Variants in GABRB3 observed in about 807,000 individuals in gnomAD.
GABRB3 encodes the protein gamma-aminobutyric acid type A receptor subunit beta3, also known as gamma-aminobutyric acid receptor subunit beta-3.
In GABRB3, 14 loss-of-function variants were observed where a neutral mutation model predicts 52.1. The observed-to-expected ratio is 0.27, with a 90% CI of 0.18 to 0.42. GABRB3 has a LOEUF of 0.42. GABRB3 is among the 10% of genes least tolerant of loss of function. GABRB3 has a pLI of 1.00. For missense variants in GABRB3, 307 were observed against 609.1 expected (o/e 0.50, Z 5.22); for synonymous variants, 260 against 232.3 (o/e 1.12, Z -1.08).
At chr15:26,618,636 A>G (rs1322557814) in intron 4 of GABRB3, among the ~76,000 whole-genome samples, 4 of 152,174 alleles carry the variant, frequency 2.6e-5, no homozygotes, top group Non-Finnish European at 4.4e-5. Flanking sequence ...AACACCAAAA[A>G]CAATGGCAAC....
rs1889193827 is a variant in GABRB3 at position 26,545,335 on chromosome 15, T to C, written c.*2458A>G. The C allele has an allele frequency of 6.6e-6, 1 of 152,562 alleles. No individual in the cohort carries two copies. Among genetic ancestry groups the C allele is most frequent in the South Asian group, 2.1e-4 (1 of 4,820 alleles). 9.5% of individuals were successfully genotyped at this position (152,562 alleles called of 1,614,324 possible). ...CATATAAAAAGCTCAAAAGCTATTA[T>C]GACTATACCATGCAAATTTATATCC... On this transcript the variant is annotated 3_prime_UTR_variant, in exon 9 of 9. Transcript: ENST00000311550.
intron 3 of GABRB3, among the ~76,000 whole-genome samples, chr15:26,739,710 A>T (rs925793194): frequency 1.3e-5 from 2 of 152,154 alleles, no homozygotes; most frequent in Non-Finnish European, 2.9e-5. Context: ...AGATGTGTAT[A>T]TTTGGGGGGA....
Position 26,649,527 on chromosome 15 carries a change from A to C in GABRB3, c.241-27993T>G, listed in dbSNP as rs909432134. Among the ~76,000 whole-genome samples, 6 of 152,216 alleles carry C rather than the reference A, an allele frequency of 3.9e-5. 1 individual carries two copies. In the East Asian group the frequency reaches 5.8e-4, roughly 15 times the overall value. ...CTGTTATAGCAGCAGGAATGGACTAAGACAGGCATGACTGGAGGTAGTGTA... is the reference window on the plus strand; with the variant it reads ...CTGTTATAGCAGCAGGAATGGACTACGACAGGCATGACTGGAGGTAGTGTA... On this transcript the variant is annotated intron_variant, in intron 3 of 8. Transcript: ENST00000311550.
chr15:26,767,824 C>G (rs965132394), intron 3 of GABRB3, among the ~76,000 whole-genome samples: 1 of 152,212 alleles, frequency 6.6e-6, no homozygotes, highest in African/African-American at 2.4e-5. Context: ...CTAGCTCACT[C>G]TAGCCTGAAT....
At chr15:26,604,891 G>A (rs971205755) in intron 4 of GABRB3, among the ~76,000 whole-genome samples, 1 of 152,142 alleles carries the variant, frequency 6.6e-6, no homozygotes, top group Admixed American at 6.5e-5. Flanking sequence ...CCACAAGCCA[G>A]GTAAACAAAG....
intron 4 of GABRB3, among the ~76,000 whole-genome samples, chr15:26,584,424 G>A (rs1890904803): frequency 6.6e-6 from 1 of 152,072 alleles, no homozygotes; most frequent in South Asian, 2.1e-4. Flanking sequence ...CCTCACCTCT[G>A]CTTCTTTCTA....
At position 26,628,895 on chromosome 15, in the gene GABRB3, G is replaced by A. The variant is rs1892815961; in HGVS notation, c.241-7361C>T. The A allele has an allele frequency of 7.2e-6, 10 of 1,380,634 alleles. No homozygotes were observed. In the East Asian group the frequency reaches 1.2e-4, roughly 17 times the overall value. 85.5% of individuals were successfully genotyped at this position (1,380,634 alleles called of 1,614,324 possible). Reference sequence around the variant, plus strand: ...GGAGGCTCTCAGGCCTTGGAAATCCGAGCTGGGAGGTGTGGGGGAGTCAGG... The same window carrying A: ...GGAGGCTCTCAGGCCTTGGAAATCCAAGCTGGGAGGTGTGGGGGAGTCAGG... On this transcript the variant is annotated intron_variant, in intron 3 of 8. Transcript: ENST00000311550.
chr15:26,552,452 G>C (rs570648954), intron 8 of GABRB3, among the ~76,000 whole-genome samples: 1 of 152,328 alleles, frequency 6.6e-6, no homozygotes, highest in South Asian at 2.1e-4. Context: ...TGTACCAAGA[G>C]GATATGGCAG....
intron 3 of GABRB3, among the ~76,000 whole-genome samples, chr15:26,735,187 A>G (rs1890034197): frequency 6.6e-6 from 1 of 152,236 alleles, no homozygotes; most frequent in African/African-American, 2.4e-5. Flanking sequence ...AACCACAATG[A>G]AATACTACCT....
intron 6 of GABRB3, among the ~76,000 whole-genome samples, chr15:26,571,418 T>C (rs944580998): frequency 6.6e-6 from 1 of 152,230 alleles, no homozygotes; most frequent in Admixed American, 6.5e-5. Flanking sequence ...CAAGTCTCAT[T>C]GCCAACTTTT....
At chr15:26,773,746 C>G, upstream of GABRB3, 14 of 1,551,514 alleles carry the variant, frequency 9.0e-6, no homozygotes, top group Non-Finnish European at 1.2e-5. Context: ...TCCGGCCTAA[C>G]CTGCTGGGAT....
chr15:26,734,892 T>C (rs1235365546), intron 3 of GABRB3, among the ~76,000 whole-genome samples: 1 of 152,020 alleles, frequency 6.6e-6, no homozygotes, highest in East Asian at 1.9e-4. Flanking sequence ...CTCCAGCCTG[T>C]ACGACACAGC....
intron 3 of GABRB3, among the ~76,000 whole-genome samples, chr15:26,731,317 G>T (rs1889906281): frequency 6.6e-6 from 1 of 152,190 alleles, no homozygotes; most frequent in Non-Finnish European, 1.5e-5. Context: ...GTTTTCAAAA[G>T]ACTGCTTCCC....
intron 3 of GABRB3, among the ~76,000 whole-genome samples, chr15:26,764,780 G>C (rs1264000498): frequency 6.6e-6 from 1 of 152,128 alleles, no homozygotes; most frequent in African/African-American, 2.4e-5. Flanking sequence ...TCTGCTCCAC[G>C]GCACTGCTGA....
chr15:26,616,726 T>C (rs996077876), intron 4 of GABRB3, among the ~76,000 whole-genome samples: 1 of 152,170 alleles, frequency 6.6e-6, no homozygotes, highest in Non-Finnish European at 1.5e-5. Flanking sequence ...AGTTTACTAC[T>C]AAAGGCTTAT....
At chr15:26,671,103 A>G (rs1256034532) in intron 3 of GABRB3, among the ~76,000 whole-genome samples, 1 of 152,180 alleles carries the variant, frequency 6.6e-6, no homozygotes, top group African/African-American at 2.4e-5. Flanking sequence ...GAAGTAAGAA[A>G]TACTGTGATG....
At chr15:26,711,064 A>G (rs1889277718) in intron 3 of GABRB3, among the ~76,000 whole-genome samples, 1 of 152,184 alleles carries the variant, frequency 6.6e-6, no homozygotes, top group African/African-American at 2.4e-5. Context: ...ATCAAGTTCA[A>G]CACCATCTAT....
chr15:26,689,145 C>T (rs1310943714), intron 3 of GABRB3, among the ~76,000 whole-genome samples: 4 of 152,132 alleles, frequency 2.6e-5, no homozygotes, highest in Non-Finnish European at 5.9e-5. Flanking sequence ...AGTCCCAGGT[C>T]CCCCAGTGCC....
chr15:26,772,338 A>C (rs1042745419), intron 3 of GABRB3, 64 bp downstream of exon 3: 2 of 1,420,602 alleles, frequency 1.4e-6, no homozygotes, highest in African/African-American at 2.8e-5. Flanking sequence ...AGCACTGTGG[A>C]CGCCTGTGAT....
Sources: allele counts gnomAD v4.1 joint callset (sites outside exome capture counted in the v4.1 genomes callset), GRCh38; gene constraint gnomAD v4.1.1; transcripts MANE v1.5; gene names NCBI Gene and HGNC (gene_info 2026-07-23, HGNC 2026-07-21).